CHURC1: variants seen among roughly 807,000 people sequenced by gnomAD.
The protein encoded by CHURC1 is protein Churchill.
A neutral mutation model predicts 15.4 loss-of-function variants in CHURC1; 12 were observed. That is an observed-to-expected ratio of 0.78 (90% confidence interval 0.50 to 1.27). CHURC1 has a LOEUF of 1.27. Among genes scored for constraint, CHURC1 ranks in the 50% most tolerant of loss-of-function variants. The pLI is 0.00. For missense variants in CHURC1, 132 were observed against 137.8 expected (o/e 0.96, Z 0.21); for synonymous variants, 42 against 47.5 (o/e 0.88, Z 0.48).
rs756213916 is a variant in CHURC1, at chr14:64,932,203, C to A, written c.312C>A (p.Asp104Glu). ...AEDTISILPDDPRQMTLLF is the reference protein window; with the variant it reads ...AEDTISILPDEPRQMTLLF ...ATACTATCAGTATTCTCCCTGATGACCCCCGACAAATGACTCTCTTATTCT... is the reference window on the plus strand; with the variant it reads ...ATACTATCAGTATTCTCCCTGATGAACCCCGACAAATGACTCTCTTATTCT... Residue 104 changes from aspartate to glutamate, a missense_variant, in exon 4 of 4, where the codon GAC (aspartate) becomes GAA (glutamate). Coordinates refer to ENST00000549115, the MANE Select transcript of CHURC1 (RefSeq NM_001386928.1). The A allele has an allele frequency of 7.4e-6, 12 of 1,613,632 alleles. No homozygotes were observed. In the South Asian group the frequency reaches 8.8e-5, roughly 12 times the overall value.
intron 1 of CHURC1, among the ~76,000 whole-genome samples, chr14:64,920,797 G>C (rs771116510): frequency 6.6e-6 from 1 of 152,082 alleles, no homozygotes; most frequent in African/African-American, 2.4e-5. Flanking sequence ...TTAATTTTTT[G>C]GAGTCCTTGG....
intron 1 of CHURC1, among the ~76,000 whole-genome samples, chr14:64,917,131 T>G (rs1200020698): frequency 6.6e-6 from 1 of 152,180 alleles, no homozygotes; most frequent in African/African-American, 2.4e-5. Context: ...AATGAAGACC[T>G]TATTTCAAAG....
chr14:64,919,972 G>A (rs753195565), intron 1 of CHURC1, among the ~76,000 whole-genome samples: 4 of 151,772 alleles, frequency 2.6e-5, no homozygotes, highest in African/African-American at 4.8e-5. Flanking sequence ...AAGGATCAGA[G>A]TAGAAAATAC....
intron 2 of CHURC1, among the ~76,000 whole-genome samples, chr14:64,924,730 G>C (rs536349516): frequency 1.3e-5 from 2 of 152,034 alleles, no homozygotes; most frequent in Non-Finnish European, 2.9e-5. Context: ...AATAAACTAT[G>C]TATAAAAAAA....
At chr14:64,918,801 C>G (rs1020274670) in intron 1 of CHURC1, among the ~76,000 whole-genome samples, 7 of 152,250 alleles carry the variant, frequency 4.6e-5, no homozygotes, top group African/African-American at 1.4e-4. Context: ...CCACTGCACT[C>G]CAGCCTGAGC....
Position 64,924,021 on chromosome 14 carries a change from T to G in CHURC1, c.70T>G (p.Leu24Val). ...GNTCLENGSF[L>V]LNFTGCAVCS... ...TACCTGCCTGGAGAATGGATCTTTC[T>G]TACTGAACTTTACAGGCTGTGCAGT... The change falls in exon 2 of 4, where the codon TTA (leucine) becomes GTA (valine). Residue 24 changes from leucine to valine, a missense_variant. Coordinates refer to ENST00000549115, the MANE Select transcript of CHURC1 (RefSeq NM_001386928.1). 6.3e-7 allele frequency: 1 copy of G among 1,574,880 alleles called. No homozygotes were observed. Among genetic ancestry groups the G allele is most frequent in the Non-Finnish European group, 8.6e-7 (1 of 1,158,102 alleles).
chr14:64,924,186 A>G, intron 2 of CHURC1, 60 bp downstream of exon 2: 4 of 1,519,196 alleles, frequency 2.6e-6, no homozygotes, highest in Non-Finnish European at 3.5e-6. Context: ...TTGGAAGTCG[A>G]TATGTTACAC....
At chr14:64,930,118 A>T (rs1884997313) in intron 3 of CHURC1, among the ~76,000 whole-genome samples, 1 of 140,566 alleles carries the variant, frequency 7.1e-6, no homozygotes, top group Non-Finnish European at 1.6e-5. Context: ...CCCTCAGAAT[A>T]AAAAAAAAAA....
At chr14:64,915,076 T>C (rs1406321582) in intron 1 of CHURC1, among the ~76,000 whole-genome samples, 1 of 152,254 alleles carries the variant, frequency 6.6e-6, no homozygotes, top group Non-Finnish European at 1.5e-5. Flanking sequence ...TTCAGGAGTT[T>C]GCAAAGCTTG....
At chr14:64,918,064 G>C (rs1488364621) in intron 1 of CHURC1, among the ~76,000 whole-genome samples, 1 of 152,152 alleles carries the variant, frequency 6.6e-6, no homozygotes, top group Non-Finnish European at 1.5e-5. Flanking sequence ...GAGAATCAAG[G>C]ACTGAGCTCC....
intron 3 of CHURC1, among the ~76,000 whole-genome samples, chr14:64,929,140 T>C (rs1175193374): frequency 1.3e-5 from 2 of 152,198 alleles, no homozygotes; most frequent in African/African-American, 4.8e-5. Context: ...AAGTTAATCT[T>C]CTTAAACATG....
intron 1 of CHURC1, among the ~76,000 whole-genome samples, chr14:64,922,051 C>T (rs185530988): frequency 6.6e-6 from 1 of 152,152 alleles, no homozygotes; most frequent in African/African-American, 2.4e-5. Context: ...AATTCTAGAA[C>T]GTGCAAGACT....
At position 64,914,532 on chromosome 14, in the gene CHURC1, C is replaced by G; in HGVS notation, c.37C>G (p.Arg13Gly). 2 of 1,614,214 alleles carry G rather than the reference C, an allele frequency of 1.2e-6. No homozygotes were observed. The highest frequency in any genetic ancestry group is 1.7e-6 in the Non-Finnish European group (2 of 1,180,012). ...CTGTGTGGAGAAGGAATATCCCAAC[C>G]GGGTGAGCGACTGGGCGCTCCCTTG... ...GDCVEKEYPNRGNTCLENGSF... is the reference protein window; with the variant it reads ...GDCVEKEYPNGGNTCLENGSF... Residue 13 changes from arginine (R) to glycine (G), a missense_variant and splice_region_variant, in exon 1 of 4, where the codon CGG becomes GGG. Coordinates refer to ENST00000549115, the MANE Select transcript of CHURC1 (RefSeq NM_001386928.1).
rs1885210656 is a variant in CHURC1 at position 64,933,966 on chromosome 14, T to G, written c.*1736T>G. Reference sequence around the variant, plus strand: ...ATAACCAGATATGGCTTGTTATTTGTAAGTTATCATGAAAAGGTTTATATT... The same window carrying G: ...ATAACCAGATATGGCTTGTTATTTGGAAGTTATCATGAAAAGGTTTATATT... On this transcript the variant is annotated 3_prime_UTR_variant, in exon 4 of 4. Coordinates refer to ENST00000549115, the MANE Select transcript of CHURC1 (RefSeq NM_001386928.1). The G allele has an allele frequency of 2.0e-6, 2 of 985,338 alleles. No individual in the cohort carries two copies. 61.0% of individuals were successfully genotyped at this position (985,338 alleles called of 1,614,324 possible). A position where few individuals can be genotyped will look rare whatever the true frequency, so the allele number is the denominator to read the frequency against.
intron 3 of CHURC1, 131 bp downstream of exon 3, chr14:64,926,211 CT>C (rs3033502): frequency 0.062 from 11,609 of 187,562 alleles, no homozygotes; most frequent in East Asian, 0.11. Context: ...GAGACTATGC[CT>C]TTTTTTTTTT....
intron 3 of CHURC1, among the ~76,000 whole-genome samples, chr14:64,928,076 T>A (rs560375128): frequency 1.3e-5 from 2 of 152,238 alleles, no homozygotes; most frequent in African/African-American, 4.8e-5. Context: ...TACTTAGCAT[T>A]GTCCCAACTT....
rs185380936 is a variant in CHURC1, at chr14:64,934,108, C to A, written c.*1878C>A. 8,979 of 929,780 alleles carry A rather than the reference C, an allele frequency of 9.7e-3. 72 individuals are homozygous for A. The highest frequency in any genetic ancestry group is 0.016 in the Middle Eastern group (29 of 1,802). The allele number at this position is 929,780 out of a possible 1,614,324, so 57.6% of individuals were successfully genotyped here. Reference sequence around the variant, plus strand: ...CTGTAATCCCAGCACTTTGGGAGGCCAAAGCAGGCGGATCACCTGAGGTCA... The same window carrying A: ...CTGTAATCCCAGCACTTTGGGAGGCAAAAGCAGGCGGATCACCTGAGGTCA... On this transcript the variant is annotated 3_prime_UTR_variant, in exon 4 of 4. Coordinates refer to ENST00000549115, the MANE Select transcript of CHURC1 (RefSeq NM_001386928.1).
Position 64,932,469 on chromosome 14 carries a change from G to A in CHURC1, c.*239G>A, listed in dbSNP as rs1244355416. 8.2e-7 allele frequency: 1 copy of A among 1,212,422 alleles called. No homozygotes were observed. Among genetic ancestry groups the A allele is most frequent in the South Asian group, 2.6e-5 (1 of 38,770 alleles). The allele number at this position is 1,212,422 out of a possible 1,614,324, so 75.1% of individuals were successfully genotyped here. ...CCAGAGTGAAGCATCTTTGTTAGCA[G>A]TTATGTGGTCAGAAAACAACTAGAA... On this transcript the variant is annotated 3_prime_UTR_variant, in exon 4 of 4. Coordinates refer to ENST00000549115, the MANE Select transcript of CHURC1 (RefSeq NM_001386928.1).
At chr14:64,914,648 C>T (rs2139868967) in intron 1 of CHURC1, 114 bp downstream of exon 1, 2 of 1,563,784 alleles carry the variant, frequency 1.3e-6, no homozygotes, top group South Asian at 2.4e-5. Context: ...ACTGCCGGTC[C>T]CGGTGACCCA....
Sources: gnomAD v4.1 joint callset for allele counts (sites outside exome capture counted in the v4.1 genomes callset) on GRCh38, gnomAD v4.1.1 for gene constraint, MANE v1.5 for transcripts, NCBI Gene and HGNC (gene_info 2026-07-23, HGNC 2026-07-21) for gene names.